The following FNIP2 variants were observed in gnomAD, a reference collection of about 807,000 sequenced individuals.
FNIP2 encodes folliculin-interacting protein 2.
Under a neutral mutation model 108.7 loss-of-function variants are expected in FNIP2, and 32 were observed. That is an observed-to-expected ratio of 0.29 (90% CI 0.22 to 0.40). The LOEUF (loss-of-function observed/expected upper bound fraction) is 0.40. Among genes scored for constraint, FNIP2 ranks in the 10% least tolerant of loss-of-function variants. The probability of loss-of-function intolerance (pLI) is 1.00; values close to 1 mark genes in which losing one functional copy is unlikely to be tolerated. For missense variants in FNIP2, 1,202 were observed against 1,381.6 expected (o/e 0.87, Z 2.06); for synonymous variants, 480 against 496.7 (o/e 0.97, Z 0.45).
chr4:158,829,010 C>A, intron 2 of FNIP2, 69 bp from the exon 3 acceptor site: 1 of 1,283,882 alleles, frequency 7.8e-7, no homozygotes, highest in South Asian at 1.8e-5. Context: ...AAGGAATTCC[C>A]AATGAAGAAC....
intron 1 of FNIP2, among the ~76,000 whole-genome samples, chr4:158,786,851 A>G (rs1204347158): frequency 1.3e-5 from 2 of 152,154 alleles, no homozygotes; most frequent in East Asian, 1.9e-4. Flanking sequence ...TTCTCTCTTC[A>G]TGATGCTATA....
chr4:158,899,845 G>A (rs1049952891), intron 16 of FNIP2, among the ~76,000 whole-genome samples: 5 of 151,532 alleles, frequency 3.3e-5, no homozygotes, highest in African/African-American at 4.8e-5. Flanking sequence ...TCTCTATCTC[G>A]TTCAGTTCTG....
At chr4:158,806,325 T>G in intron 1 of FNIP2, 1 of 1,289,400 alleles carries the variant, frequency 7.8e-7, no homozygotes, top group South Asian at 1.2e-5. Flanking sequence ...GTGATGCTGT[T>G]CCTGGTGCTG....
chr4:158,823,956 C>T (rs899493105), intron 1 of FNIP2, among the ~76,000 whole-genome samples: 1 of 152,170 alleles, frequency 6.6e-6, no homozygotes, highest in South Asian at 2.1e-4. Context: ...GGATGCTGGG[C>T]GTGATAACTT....
intron 1 of FNIP2, among the ~76,000 whole-genome samples, chr4:158,810,038 G>T (rs1777186995): frequency 1.3e-5 from 2 of 152,200 alleles, no homozygotes; most frequent in Admixed American, 6.5e-5. Flanking sequence ...ATTTATAGCA[G>T]TTGGGATTAC....
intron 1 of FNIP2, among the ~76,000 whole-genome samples, chr4:158,814,025 T>C (rs923865270): frequency 6.6e-6 from 1 of 152,220 alleles, no homozygotes; most frequent in African/African-American, 2.4e-5. Flanking sequence ...TTCTGTTCCA[T>C]TGATCAGTTT....
intron 7 of FNIP2, among the ~76,000 whole-genome samples, chr4:158,845,286 A>T (rs538525717): frequency 1.3e-5 from 2 of 152,368 alleles, no homozygotes; most frequent in East Asian, 3.9e-4. Context: ...TTTATCCAGT[A>T]CACAGAGTTA....
At chr4:158,903,859 TCCA>T (rs1019272572) in intron 16 of FNIP2, among the ~76,000 whole-genome samples, 2 of 152,194 alleles carry the variant, frequency 1.3e-5, no homozygotes, top group Middle Eastern at 3.2e-3. Context: ...CCATACTGTA[TCCA>T]CCTCTGCTGT....
intron 7 of FNIP2, among the ~76,000 whole-genome samples, chr4:158,847,285 G>C (rs1477952602): frequency 6.6e-6 from 1 of 152,208 alleles, no homozygotes; most frequent in Non-Finnish European, 1.5e-5. Context: ...CTAAGGGAAT[G>C]CTTGTGCCAC....
intron 14 of FNIP2, among the ~76,000 whole-genome samples, chr4:158,870,809 CCT>C (rs1055126123): frequency 1.3e-5 from 2 of 152,222 alleles, no homozygotes; most frequent in Admixed American, 6.5e-5. Flanking sequence ...CTTTCTGGTG[CCT>C]CTCATTGGCT....
chr4:158,894,733 C>G (rs1194390869), intron 15 of FNIP2, among the ~76,000 whole-genome samples: 1 of 152,140 alleles, frequency 6.6e-6, no homozygotes, highest in East Asian at 1.9e-4. Flanking sequence ...AGGAGCATTT[C>G]CATGAGAATT....
At chr4:158,804,114 A>AT in intron 1 of FNIP2, among the ~76,000 whole-genome samples, 1 of 151,700 alleles carries the variant, frequency 6.6e-6, no homozygotes, top group South Asian at 2.1e-4. Flanking sequence ...ATTTTTTTGT[A>AT]TTTTTTTAGT....
intron 7 of FNIP2, among the ~76,000 whole-genome samples, chr4:158,842,801 C>G (rs1779200605): frequency 6.6e-6 from 1 of 151,848 alleles, no homozygotes; most frequent in African/African-American, 2.4e-5. Context: ...TATTAAAGGG[C>G]CTTTATAGGA....
At chr4:158,830,882 C>T (rs1302262462) in intron 3 of FNIP2, among the ~76,000 whole-genome samples, 3 of 152,174 alleles carry the variant, frequency 2.0e-5, no homozygotes. Flanking sequence ...CATCCCAAGA[C>T]ACTCATTCAG....
At chr4:158,809,369 T>C (rs1234579270) in intron 1 of FNIP2, among the ~76,000 whole-genome samples, 1 of 152,132 alleles carries the variant, frequency 6.6e-6, no homozygotes, top group Non-Finnish European at 1.5e-5. Context: ...TGAAGCAGGA[T>C]AATCACTTGA....
intron 1 of FNIP2, among the ~76,000 whole-genome samples, chr4:158,777,559 C>T (rs1775900417): frequency 6.6e-6 from 1 of 152,184 alleles, no homozygotes; most frequent in South Asian, 2.1e-4. Context: ...AACATTTTCT[C>T]CAAGCATATC....
chr4:158,778,954 G>A (rs900856239), intron 1 of FNIP2, among the ~76,000 whole-genome samples: 1 of 152,232 alleles, frequency 6.6e-6, no homozygotes, highest in African/African-American at 2.4e-5. Flanking sequence ...CAGAGAGGTT[G>A]CACCTGTTTA....
chr4:158,895,621 T>G (rs1270464190), intron 15 of FNIP2, 129 bp from the exon 16 acceptor site: 10 of 625,682 alleles, frequency 1.6e-5, no homozygotes, highest in Non-Finnish European at 2.9e-5. Flanking sequence ...CTTGTGATTT[T>G]TTAAGTGTAT....
chr4:158,838,254 T>C, intron 7 of FNIP2, among the ~76,000 whole-genome samples: 1 of 137,262 alleles, frequency 7.3e-6, no homozygotes, highest in African/African-American at 2.6e-5. Flanking sequence ...TTTTTCTGGC[T>C]CTGTTGCCCA....
Sources: allele counts gnomAD v4.1 joint callset (sites outside exome capture counted in the v4.1 genomes callset), GRCh38; gene constraint gnomAD v4.1.1; transcripts MANE v1.5; gene names NCBI Gene and HGNC (gene_info 2026-07-23, HGNC 2026-07-21).